Variants in MKX observed in about 807,000 individuals in gnomAD.
MKX encodes homeobox protein Mohawk.
In MKX, 13 loss-of-function variants were observed where a neutral mutation model predicts 36.0. That is an observed-to-expected ratio of 0.36 (90% CI 0.24 to 0.57). MKX has a LOEUF of 0.57. Among genes scored for constraint, MKX ranks in the 20% least tolerant of loss-of-function variants. The pLI, the probability that MKX is intolerant of heterozygous loss-of-function variation, is 0.79. For synonymous variants in MKX, 176 were observed against 178.3 expected (o/e 0.99, Z 0.10); for missense variants, 458 against 456.4 (o/e 1.00, Z -0.03).
chr10:27,675,540 C>T lies in MKX; in HGVS notation c.853G>A (p.Gly285Arg). 1.9e-6 allele frequency: 3 copies of T among 1,613,820 alleles called. No homozygotes were observed. The highest frequency in any genetic ancestry group is 2.5e-6 in the Non-Finnish European group (3 of 1,179,946). ...FVYRTDTLENGSNKGESAANR... is the reference protein window; with the variant it reads ...FVYRTDTLENRSNKGESAANR... Reference sequence around the variant, plus strand: ...GCTCACCTTTCACCCTTATTGGATCCGTTTTCCAGAGTGTCTGTAAAGAAA... The same window carrying T: ...GCTCACCTTTCACCCTTATTGGATCTGTTTTCCAGAGTGTCTGTAAAGAAA... Residue 285 changes from glycine to arginine, a missense_variant, in exon 6 of 7, where the codon GGA becomes AGA. Around this residue, in one of 3 missense-constraint regions of MKX, gnomAD observed 297 missense variants for 304.4 expected, o/e 0.98. Coordinates refer to ENST00000419761, the MANE Select transcript of MKX (RefSeq NM_173576.3).
chr10:27,675,919 C>A (rs1836138533), intron 5 of MKX, among the ~76,000 whole-genome samples: 1 of 152,166 alleles, frequency 6.6e-6, no homozygotes, highest in Admixed American at 6.5e-5. Flanking sequence ...TGCAGTGTAA[C>A]CTGGGGGCAG....
At chr10:27,720,045 A>G (rs1406645896) in intron 5 of MKX, among the ~76,000 whole-genome samples, 1 of 151,946 alleles carries the variant, frequency 6.6e-6, no homozygotes, top group Admixed American at 6.6e-5. Flanking sequence ...GGAAAAGTTA[A>G]AGACCAAATT....
chr10:27,716,663 A>G (rs1253542193), intron 5 of MKX, among the ~76,000 whole-genome samples: 1 of 152,116 alleles, frequency 6.6e-6, no homozygotes, highest in Non-Finnish European at 1.5e-5. Flanking sequence ...GCCATACCAA[A>G]AGCATTTAAA....
chr10:27,710,732 C>T (rs1836836002), intron 5 of MKX, among the ~76,000 whole-genome samples: 1 of 152,160 alleles, frequency 6.6e-6, no homozygotes, highest in Non-Finnish European at 1.5e-5. Flanking sequence ...GATCTGGGCT[C>T]ACTGCAACTT....
chr10:27,700,562 G>T (rs569207174), intron 5 of MKX, among the ~76,000 whole-genome samples: 1 of 152,248 alleles, frequency 6.6e-6, no homozygotes, highest in African/African-American at 2.4e-5. Context: ...CATTACCCAA[G>T]AATCGATTCT....
intron 5 of MKX, among the ~76,000 whole-genome samples, chr10:27,700,037 G>A (rs1836624207): frequency 6.6e-6 from 1 of 152,134 alleles, no homozygotes; most frequent in South Asian, 2.1e-4. Flanking sequence ...AACTTTTGGA[G>A]GGAATGACAT....
chr10:27,729,290 G>A (rs1037290591), intron 5 of MKX, among the ~76,000 whole-genome samples: 5 of 123,130 alleles, frequency 4.1e-5, no homozygotes, highest in Non-Finnish European at 5.0e-5. Flanking sequence ...AATGCACTAG[G>A]CCTTTTTTTT....
intron 5 of MKX, among the ~76,000 whole-genome samples, chr10:27,685,798 C>T (rs1359280560): frequency 6.6e-6 from 1 of 152,178 alleles, no homozygotes. Flanking sequence ...AACCGCTCCT[C>T]TATAGCCCTG....
chr10:27,730,964 C>T (rs1483086397), intron 5 of MKX, among the ~76,000 whole-genome samples: 2 of 151,454 alleles, frequency 1.3e-5, no homozygotes, highest in Admixed American at 6.6e-5. Flanking sequence ...GAAACCCCGT[C>T]TCTACTAAAA....
At chr10:27,703,920 G>A (rs1285019021) in intron 5 of MKX, among the ~76,000 whole-genome samples, 2 of 151,796 alleles carry the variant, frequency 1.3e-5, no homozygotes, top group Non-Finnish European at 2.9e-5. Flanking sequence ...CTACCAAAAT[G>A]ATCAGCAAAT....
At chr10:27,692,307 T>C (rs1406254534) in intron 5 of MKX, among the ~76,000 whole-genome samples, 3 of 152,216 alleles carry the variant, frequency 2.0e-5, no homozygotes, top group Non-Finnish European at 2.9e-5. Context: ...TGCATTTCTT[T>C]TGCCCAGTTC....
At chr10:27,737,270 T>C (rs1834800642) in intron 3 of MKX, among the ~76,000 whole-genome samples, 1 of 152,170 alleles carries the variant, frequency 6.6e-6, no homozygotes, top group Non-Finnish European at 1.5e-5. Flanking sequence ...AAAACATTTC[T>C]CTTTCTAACT....
At chr10:27,725,234 G>A (rs1834463335) in intron 5 of MKX, among the ~76,000 whole-genome samples, 1 of 152,064 alleles carries the variant, frequency 6.6e-6, no homozygotes, top group South Asian at 2.1e-4. Context: ...GCTGATTGCT[G>A]GATTTACAAA....
Position 27,744,296 on chromosome 10 carries a change from G to C in MKX, c.-82-799C>G, listed in dbSNP as rs917266425. Among the ~76,000 whole-genome samples, 4 of 152,146 alleles carry C rather than the reference G, an allele frequency of 2.6e-5. No homozygotes were observed. Among genetic ancestry groups the C allele is most frequent in the African/African-American group, 9.6e-5 (4 of 41,452 alleles). On this transcript the variant is annotated intron_variant, in intron 1 of 6. Transcript: ENST00000419761. The surrounding 1 kb of genome is among the most constrained non-coding windows in gnomAD (Gnocchi z 5.6). ...TCAGTGCCATTCTCTTCCGCAGCGC[G>C]GGTGTCAGCCGCGAGCTCGTAGCCC...
intron 5 of MKX, among the ~76,000 whole-genome samples, chr10:27,677,155 C>A (rs1836167661): frequency 6.6e-6 from 1 of 152,120 alleles, no homozygotes; most frequent in Non-Finnish European, 1.5e-5. Flanking sequence ...TCATCATCAT[C>A]CACAACAATA....
intron 5 of MKX, among the ~76,000 whole-genome samples, chr10:27,704,447 A>G (rs1836715091): frequency 6.6e-6 from 1 of 152,172 alleles, no homozygotes; most frequent in Non-Finnish European, 1.5e-5. Flanking sequence ...TAAAACCTCC[A>G]TAATTAAAAC....
In MKX at chr10:27,743,351, T is replaced by C; in HGVS notation, c.65A>G (p.Glu22Gly). The change falls in exon 2 of 7, where the codon GAG (glutamate) becomes GGG (glycine). Residue 22 changes from glutamate (E) to glycine (G), a missense_variant. Physicochemically the swap from Glu to Gly is moderately conservative, Grantham distance 98 (BLOSUM62 -2). Coordinates refer to ENST00000419761, the MANE Select transcript of MKX (RefSeq NM_173576.3). Reference sequence around the variant, plus strand: ...GTAGGGCCGGCCACCCCGCTCCCGCTCCGAGGCGCCTCCGTCCTCAAACAG... The same window carrying C: ...GTAGGGCCGGCCACCCCGCTCCCGCCCCGAGGCGCCTCCGTCCTCAAACAG... The part of the protein sequence containing the change: ...AVLFEDGGAS[E>G]RERGGRPYSG... 6.3e-7 allele frequency: 1 copy of C among 1,581,624 alleles called. No homozygotes were observed. The highest frequency in any genetic ancestry group is 8.6e-7 in the Non-Finnish European group (1 of 1,166,494).
Position 27,728,746 on chromosome 10 carries a change from C to A in MKX, c.838+5710G>T, listed in dbSNP as rs1234219094. Among the ~76,000 whole-genome samples, 3 of 152,194 alleles carry A rather than the reference C, an allele frequency of 2.0e-5. No homozygotes were observed. In the East Asian group the frequency reaches 5.8e-4, roughly 29 times the overall value. ...CATATCTAGATTTTACTACTGATAC[C>A]AGCTTAAATTTTAAGGCACACAGTG... is the stretch of plus-strand genomic sequence containing the variant. On this transcript the variant is annotated intron_variant, in intron 5 of 6. Coordinates refer to ENST00000419761, the MANE Select transcript of MKX (RefSeq NM_173576.3).
intron 5 of MKX, among the ~76,000 whole-genome samples, chr10:27,719,592 A>G (rs1834329727): frequency 6.6e-6 from 1 of 152,164 alleles, no homozygotes; most frequent in South Asian, 2.1e-4. Flanking sequence ...CTCTACAGGG[A>G]TCATAGCTGC....
Sources: gnomAD v4.1 joint callset for allele counts (sites outside exome capture counted in the v4.1 genomes callset) on GRCh38, gnomAD v4.1.1 for gene constraint, gnomAD v4.1.1 regional missense constraint, Gnocchi (gnomAD v3.1) non-coding constraint, MANE v1.5 for transcripts, NCBI Gene and HGNC (gene_info 2026-07-23, HGNC 2026-07-21) for gene names.